Variants in WHR1 observed in about 807,000 individuals in gnomAD.
WHR1 encodes MHC class III HLA-RP1.
At chr6:31,971,694 G>C in the WHR1 span, 1 of 1,587,842 alleles carries the variant, frequency 6.3e-7, no homozygotes, top group Non-Finnish European at 8.5e-7. The surrounding 1 kb of genome is among the most constrained non-coding windows in gnomAD (Gnocchi z 4.5). Flanking sequence ...AAGACAAGCA[G>C]GGGTACAGAG....
At chr6:31,971,654 T>C in the WHR1 span, 1 of 1,608,242 alleles carries the variant, frequency 6.2e-7, no homozygotes, top group South Asian at 1.1e-5. This position sits in a 1 kb window ranked among gnomAD's most constrained non-coding sequence, Gnocchi z 4.5. Flanking sequence ...TCAGCTCCTC[T>C]CTTGGTCCCC....
the WHR1 span, among the ~76,000 whole-genome samples, chr6:31,977,644 T>C: frequency 6.7e-6 from 1 of 149,828 alleles, no homozygotes; most frequent in Non-Finnish European, 1.5e-5. Context: ...CCACCGCATC[T>C]GGCCTATTTT....
chr6:31,972,082 G>A, the WHR1 span: 22 of 1,612,970 alleles, frequency 1.4e-5, no homozygotes, highest in Admixed American at 8.3e-5. The surrounding 1 kb of genome is among the most constrained non-coding windows in gnomAD (Gnocchi z 6.3). Flanking sequence ...GGAGGTGTGA[G>A]CTTCACGAAG....
the WHR1 span, among the ~76,000 whole-genome samples, chr6:31,975,670 T>C: frequency 6.7e-6 from 1 of 148,316 alleles, no homozygotes; most frequent in South Asian, 2.2e-4. Flanking sequence ...AAGTCTCCCA[T>C]GTCTACCTCT....
chr6:31,978,854 G>A, the WHR1 span: 1 of 1,577,772 alleles, frequency 6.3e-7, no homozygotes, highest in Non-Finnish European at 8.7e-7. Context: ...GTATAGCAGA[G>A]CATCTTACCC....
chr6:31,978,984 G>T, the WHR1 span: 1 of 1,612,374 alleles, frequency 6.2e-7, no homozygotes, highest in South Asian at 1.1e-5. Flanking sequence ...CTTCACTGAG[G>T]ACTACAGGAC....
the WHR1 span, chr6:31,978,963 C>A: frequency 6.2e-7 from 1 of 1,612,290 alleles, no homozygotes; most frequent in South Asian, 1.1e-5. Context: ...CTTGGATGCC[C>A]ATGGAATTAT....
chr6:31,979,761 G>A, the WHR1 span: 1 of 590,490 alleles, frequency 1.7e-6, no homozygotes, highest in Non-Finnish European at 2.9e-6. Flanking sequence ...AAAGAGCCCT[G>A]AAATAGAATT....
At chr6:31,976,318 C>A in the WHR1 span, among the ~76,000 whole-genome samples, 1 of 151,812 alleles carries the variant, frequency 6.6e-6, no homozygotes, top group Non-Finnish European at 1.5e-5. Flanking sequence ...ATGCTCCTCA[C>A]TTCTCAGACG....
chr6:31,973,393 A>T, the WHR1 span: 1 of 185,200 alleles, frequency 5.4e-6, no homozygotes, highest in Non-Finnish European at 1.2e-5. Flanking sequence ...AGACAGTTGG[A>T]TATGAGAGTT....
the WHR1 span, among the ~76,000 whole-genome samples, chr6:31,976,012 C>T: frequency 2.0e-5 from 3 of 149,240 alleles, no homozygotes; most frequent in Admixed American, 6.6e-5. Context: ...ACCTCCCGGA[C>T]GAGGCGGCTG....
the WHR1 span, among the ~76,000 whole-genome samples, chr6:31,975,925 C>A: frequency 6.7e-6 from 1 of 149,976 alleles, no homozygotes; most frequent in Non-Finnish European, 1.5e-5. Flanking sequence ...CCCCCACCTC[C>A]CTCCCGGACG....
At chr6:31,980,462 A>C in the WHR1 span, 1 of 1,612,794 alleles carries the variant, frequency 6.2e-7, no homozygotes, top group Non-Finnish European at 8.5e-7. Flanking sequence ...CATCTGGTGA[A>C]TGCTGGAGTC....
At chr6:31,980,663 C>A in the WHR1 span, 3 of 1,598,388 alleles carry the variant, frequency 1.9e-6, no homozygotes, top group Non-Finnish European at 2.6e-6. Context: ...GGGCGCCAGG[C>A]TGTCCTTAGC....
the WHR1 span, among the ~76,000 whole-genome samples, chr6:31,978,469 G>T: frequency 1.3e-5 from 2 of 152,146 alleles, no homozygotes; most frequent in Non-Finnish European, 2.9e-5. Flanking sequence ...TTTTATCCAG[G>T]ATTTTAGTTA....
chr6:31,979,435 C>T, the WHR1 span: 44 of 1,612,706 alleles, frequency 2.7e-5, no homozygotes, highest in Admixed American at 8.3e-5. Context: ...CTGTGATGGC[C>T]GACCGTATGC....
At chr6:31,973,063 CATCTTA>C in the WHR1 span, 2 of 644,146 alleles carry the variant, frequency 3.1e-6, no homozygotes, top group South Asian at 3.1e-5. Flanking sequence ...GTGTTGTTTC[CATCTTA>C]CACTGAGGCG....
chr6:31,972,003 A>G, the WHR1 span: 1 of 1,603,378 alleles, frequency 6.2e-7, no homozygotes, highest in Non-Finnish European at 8.5e-7. The surrounding 1 kb of genome is among the most constrained non-coding windows in gnomAD (Gnocchi z 6.3). Flanking sequence ...AAGGATGCAA[A>G]AGTGGTTTTC....
At chr6:31,972,737 A>AC in the WHR1 span, 1 of 1,612,814 alleles carries the variant, frequency 6.2e-7, no homozygotes, top group Non-Finnish European at 8.5e-7. This position sits in a 1 kb window ranked among gnomAD's most constrained non-coding sequence, Gnocchi z 6.3. Context: ...GCCTGACAGG[A>AC]CCGTGGCCGA....
Sources: gnomAD v4.1 joint callset for allele counts (sites outside exome capture counted in the v4.1 genomes callset) on GRCh38, gnomAD v4.1.1 for gene constraint, Gnocchi (gnomAD v3.1) non-coding constraint, MANE v1.5 for transcripts, NCBI Gene and HGNC (gene_info 2026-07-23, HGNC 2026-07-21) for gene names.